Variants in SCN4A observed in about 807,000 individuals in gnomAD.
The protein encoded by SCN4A is sodium channel protein type 4 subunit alpha.
In SCN4A, 83 loss-of-function variants were observed where a neutral mutation model predicts 162.0. The observed-to-expected ratio is 0.51, with a 90% CI of 0.43 to 0.61. SCN4A has a LOEUF of 0.61. SCN4A is among the 20% of genes least tolerant of loss of function. SCN4A has a pLI of 0.00. For missense variants in SCN4A, 2,196 were observed against 2,462.5 expected (o/e 0.89, Z 2.29); for synonymous variants, 944 against 985.1 (o/e 0.96, Z 0.78).
At chr17:63,958,530 G>A (rs1179904319) in intron 12 of SCN4A, among the ~76,000 whole-genome samples, 1 of 152,144 alleles carries the variant, frequency 6.6e-6, no homozygotes, top group Non-Finnish European at 1.5e-5. Context: ...GTGCATGCAT[G>A]AAAAGATCCC....
chr17:63,963,672 C>A lies in SCN4A; in HGVS notation c.1606G>T (p.Glu536Ter). Residue 536 changes from glutamate to a stop codon, truncating the protein, a stop_gained and splice_region_variant, in exon 10 of 24, where the codon GAA (glutamate) becomes TAA (stop). Coordinates refer to ENST00000435607, the MANE Select transcript of SCN4A (RefSeq NM_000334.4). LOFTEE classifies it high-confidence loss of function. ...GDSGISDAME[E>*]LEEAHQKCPP... ...GGGCACGGGGGCACAAGGCACTCAC[C>A]TTCCATGGCGTCGGAGATGCCGCTG... 1 of 1,571,804 alleles carries A rather than the reference C, an allele frequency of 6.4e-7. No individual in the cohort carries two copies. Among genetic ancestry groups the A allele is most frequent in the Non-Finnish European group, 8.6e-7 (1 of 1,158,720 alleles).
intron 5 of SCN4A, among the ~76,000 whole-genome samples, chr17:63,969,343 C>T (rs753908942): frequency 3.3e-5 from 5 of 152,158 alleles, no homozygotes; most frequent in Non-Finnish European, 5.9e-5. Flanking sequence ...GTGGAAGAGC[C>T]GTAACTTCTT....
chr17:63,949,488 C>T lies in SCN4A; in HGVS notation c.2894G>A (p.Cys965Tyr). Reference protein sequence around the residue: ...QPLYDGNSSVCSTADYKPPEE... With the variant: ...QPLYDGNSSVYSTADYKPPEE... ...GGGGGGCTTGTAGTCAGCTGTGCTG[C>T]AGACGGACGAGTTCCCATCATAGAG... The change falls in exon 15 of 24, where the codon TGC (cysteine) becomes TAC (tyrosine). Residue 965 changes from cysteine (C) to tyrosine (Y), a missense_variant. Physicochemically the swap from Cys to Tyr is radical, Grantham distance 194 (BLOSUM62 -2). Coordinates refer to ENST00000435607, the MANE Select transcript of SCN4A (RefSeq NM_000334.4). 6.2e-7 allele frequency: 1 copy of T among 1,612,792 alleles called. No individual in the cohort carries two copies. Among genetic ancestry groups the T allele is most frequent in the Non-Finnish European group, 8.5e-7 (1 of 1,179,250 alleles).
chr17:63,943,724 C>A, intron 22 of SCN4A, 22 bp downstream of exon 22: 2 of 1,480,788 alleles, frequency 1.4e-6, no homozygotes, highest in Non-Finnish European at 1.9e-6. Context: ...ACACACAGGA[C>A]AGGGGGCCCA....
rs1442314469 is a variant in SCN4A, at chr17:63,951,025, A to T, written c.2853+399T>A. 6.6e-6 allele frequency among the ~76,000 whole-genome samples: 1 copy of T among 152,206 alleles called. No individual in the cohort carries two copies. The highest frequency in any genetic ancestry group is 1.5e-5 in the Non-Finnish European group (1 of 68,026). On this transcript the variant is annotated intron_variant, in intron 14 of 23. Transcript: ENST00000435607. This position sits in a 1 kb window ranked among gnomAD's most constrained non-coding sequence, Gnocchi z 4.5. ...TAAACAGAGATAGAGGATAAGTGTG[A>T]GGACTGGGCAAGGGGCCTCAAACCC... is the stretch of plus-strand genomic sequence containing the variant.
intron 5 of SCN4A, among the ~76,000 whole-genome samples, chr17:63,970,878 C>T (rs1038716781): frequency 4.6e-5 from 7 of 152,210 alleles, no homozygotes; most frequent in African/African-American, 1.7e-4. Context: ...AGTTGATCCA[C>T]TTGCCTTGGC....
At position 63,944,971 on chromosome 17, in the gene SCN4A, T is replaced by A; in HGVS notation, c.3774+36A>T. On this transcript the variant is annotated intron_variant, in intron 20 of 23. Coordinates refer to ENST00000435607, the MANE Select transcript of SCN4A (RefSeq NM_000334.4). This position sits in a 1 kb window ranked among gnomAD's most constrained non-coding sequence, Gnocchi z 4.3. ...CCTGTCTTGAGTCCTCTTCCCTGGC[T>A]CGCTCACCAGCCACATCTCAGCGAC... 1.2e-6 allele frequency: 2 copies of A among 1,610,318 alleles called. No individual in the cohort carries two copies. Among genetic ancestry groups the A allele is most frequent in the Non-Finnish European group, 1.7e-6 (2 of 1,177,290 alleles).
Position 63,953,342 on chromosome 17 carries a change from A to G in SCN4A, c.2377-1442T>C, listed in dbSNP as rs76607221. ...GCCATTGCACTCCAGCCGGGGCGAC[A>G]GAGCGAGACTCCATCTCAAAACAAA... On this transcript the variant is annotated intron_variant, in intron 13 of 23. Transcript: ENST00000435607. 1.1e-4 allele frequency among the ~76,000 whole-genome samples: 16 copies of G among 151,920 alleles called. No individual in the cohort carries two copies. In the East Asian group the frequency reaches 2.7e-3, roughly 26 times the overall value.
intron 10 of SCN4A, among the ~76,000 whole-genome samples, chr17:63,962,257 A>G (rs895440631): frequency 6.6e-6 from 1 of 152,174 alleles, no homozygotes; most frequent in Non-Finnish European, 1.5e-5. Flanking sequence ...GCTGCTGGCT[A>G]GTGCAACTCT....
chr17:63,941,815 G>A lies in SCN4A; in HGVS notation c.4467C>T (p.Leu1489=), dbSNP rs374297500. The A allele has an allele frequency of 3.7e-6, 6 of 1,614,134 alleles. No homozygotes were observed. Among genetic ancestry groups the A allele is most frequent in the Non-Finnish European group, 5.1e-6 (6 of 1,180,042 alleles). ...LPALFNIGLL[L]FLVMFIYSIF... ...TGGAGTAGATGAACATGACCAGGAA[G>A]AGGAGGAGGCCGATGTTGAAGAGGG... Residue 1489 remains leucine, a synonymous_variant, in exon 24 of 24, where the codon CTC becomes CTT. Transcript: ENST00000435607. The surrounding 1 kb of genome is among the most constrained non-coding windows in gnomAD (Gnocchi z 6.2).
In SCN4A at chr17:63,951,795, G is replaced by T. The variant is rs760147196; in HGVS notation, c.2482C>A (p.Arg828Ser). The change falls in exon 14 of 24, where the codon CGC becomes AGC. Residue 828 changes from arginine to serine, a missense_variant. Coordinates refer to ENST00000435607, the MANE Select transcript of SCN4A (RefSeq NM_000334.4). The surrounding 1 kb of genome is among the most constrained non-coding windows in gnomAD (Gnocchi z 4.5). ...GCAAAGCCGATGCCCAACTTGATGC[G>T]CCCGATGGCAATCTGCAGGTTGTTC... The part of the protein sequence containing the change: ...EMNNLQIAIG[R>S]IKLGIGFAKA... 6 of 1,583,756 alleles carry T rather than the reference G, an allele frequency of 3.8e-6. No individual in the cohort carries two copies. The Admixed American group carries it at 9.0e-5, about 24-fold the overall frequency.
At chr17:63,959,119 G>C in intron 12 of SCN4A, 146 bp downstream of exon 12, 3 of 625,222 alleles carry the variant, frequency 4.8e-6, no homozygotes, top group Admixed American at 3.0e-5. Flanking sequence ...AAGGTTCTGA[G>C]AGGTAACAGG....
chr17:63,949,702 G>A (rs1908846667), intron 14 of SCN4A, 174 bp from the exon 15 acceptor site: 2 of 690,246 alleles, frequency 2.9e-6, no homozygotes, highest in Non-Finnish European at 2.3e-6. Flanking sequence ...CGGGGACGTA[G>A]GTGGCCCTGG....
chr17:63,951,555 C>G lies in SCN4A; in HGVS notation c.2722G>C (p.Glu908Gln). 1 of 1,613,898 alleles carries G rather than the reference C, an allele frequency of 6.2e-7. No homozygotes were observed. Among genetic ancestry groups the G allele is most frequent in the South Asian group, 1.1e-5 (1 of 91,074 alleles). The change falls in exon 14 of 24, where the codon GAG becomes CAG. Residue 908 changes from glutamate (E) to glutamine (Q), a missense_variant. Transcript: ENST00000435607. The surrounding 1 kb of genome is among the most constrained non-coding windows in gnomAD (Gnocchi z 4.5). ...GLADGPPSSL[E>Q]LDHLNFINNP... Reference sequence around the variant, plus strand: ...TTGATGAAGTTAAGGTGGTCCAGCTCGAGGCTGGATGGGGGGCCGTCAGCC... The same window carrying G: ...TTGATGAAGTTAAGGTGGTCCAGCTGGAGGCTGGATGGGGGGCCGTCAGCC...
Position 63,940,600 on chromosome 17 carries a change from G to T in SCN4A, c.*171C>A, listed in dbSNP as rs762736158. On this transcript the variant is annotated 3_prime_UTR_variant, in exon 24 of 24. Transcript: ENST00000435607. ...TTCCCATTTCCCATGGTCTGGGAAC[G>T]CAGGCGCTCGGGCCTGGGTGTCAGC... The T allele has an allele frequency of 7.3e-6, 5 of 683,174 alleles. No individual in the cohort carries two copies. The highest frequency in any genetic ancestry group is 1.1e-5 in the Non-Finnish European group (5 of 440,516). 42.3% of individuals were successfully genotyped at this position (683,174 alleles called of 1,614,324 possible). A position where few individuals can be genotyped will look rare whatever the true frequency, so the allele number is the denominator to read the frequency against.
chr17:63,946,470 C>T (rs866413991), intron 18 of SCN4A, among the ~76,000 whole-genome samples: 1 of 131,116 alleles, frequency 7.6e-6, no homozygotes, highest in Non-Finnish European at 1.6e-5. Flanking sequence ...TTGCCCCCCC[C>T]CCCACCCCGC....
intron 13 of SCN4A, among the ~76,000 whole-genome samples, chr17:63,956,375 G>A (rs1261649845): frequency 6.6e-6 from 1 of 152,160 alleles, no homozygotes; most frequent in Admixed American, 6.5e-5. Flanking sequence ...CCAAATAGCT[G>A]GGTTTGGTGT....
chr17:63,957,243 G>T lies in SCN4A; in HGVS notation c.2295C>A (p.Thr765=), dbSNP rs370434474. ...CGGCCACCTCCATGCAGTCCCACAT[G>T]GTCTCGATCCACTCCCCGCACAGGA... ...FRILCGEWIE[T]MWDCMEVAGQ... The change falls in exon 13 of 24, where the codon ACC becomes ACA. Residue 765 remains threonine (T), a synonymous_variant. Transcript: ENST00000435607. 1.3e-5 allele frequency: 21 copies of T among 1,612,228 alleles called. No homozygotes were observed. In the African/African-American group the frequency reaches 1.6e-4, roughly 12 times the overall value.
Position 63,944,342 on chromosome 17 carries a change from G to A in SCN4A, c.3912+331C>T, listed in dbSNP as rs1243220600. Among the ~76,000 whole-genome samples the A allele has an allele frequency of 6.6e-6, 1 of 152,056 alleles. No individual in the cohort carries two copies. The highest frequency in any genetic ancestry group is 1.5e-5 in the Non-Finnish European group (1 of 68,006). ...TAATTTTTTTTGTATTTTTAGTATA[G>A]ACAGGGTTTTACCACGTTAGCCAGG... On this transcript the variant is annotated intron_variant, in intron 21 of 23. Transcript: ENST00000435607. This position sits in a 1 kb window ranked among gnomAD's most constrained non-coding sequence, Gnocchi z 4.3.
Sources: allele counts gnomAD v4.1 joint callset (sites outside exome capture counted in the v4.1 genomes callset), GRCh38; gene constraint gnomAD v4.1.1; non-coding constraint Gnocchi (gnomAD v3.1); transcripts MANE v1.5; gene names NCBI Gene and HGNC (gene_info 2026-07-23, HGNC 2026-07-21).